The following ZFHX3 variants were observed in gnomAD, a reference collection of about 807,000 sequenced individuals.
ZFHX3 encodes the protein zinc finger homeobox protein 3.
In ZFHX3, 42 loss-of-function variants were observed where a neutral mutation model predicts 279.1. That is an observed-to-expected ratio of 0.15 (90% CI 0.12 to 0.19). ZFHX3 has a LOEUF of 0.19. Ranked by LOEUF, ZFHX3 falls within the 10% of genes least tolerant of loss-of-function variation. ZFHX3 has a pLI of 1.00. For missense variants in ZFHX3, 4,981 were observed against 4,754.0 expected, an observed-to-expected ratio of 1.05 and a Z score of -1.40; for synonymous variants, 2,293 against 1,957.8, an observed-to-expected ratio of 1.17 and a Z score of -4.52.
At chr16:73,166,857 CA>C (rs1170544651) in intron 5 of ZFHX3, among the ~76,000 whole-genome samples, 1 of 152,174 alleles carries the variant, frequency 6.6e-6, no homozygotes, top group Non-Finnish European at 1.5e-5. Flanking sequence ...ACCCTCCAGA[CA>C]GGGAAAATCT....
intron 3 of ZFHX3, among the ~76,000 whole-genome samples, chr16:73,384,123 T>A (rs1189523474): frequency 6.6e-6 from 1 of 152,240 alleles, no homozygotes; most frequent in Non-Finnish European, 1.5e-5. Context: ...TGCCATGATG[T>A]CAGATGCTCT....
chr16:73,596,227 T>C (rs1476114487), intron 2 of ZFHX3, among the ~76,000 whole-genome samples: 1 of 152,038 alleles, frequency 6.6e-6, no homozygotes, highest in African/African-American at 2.4e-5. Flanking sequence ...TTCAGTGTGT[T>C]AGCCACATGT....
chr16:73,617,286 G>C (rs1230420115), intron 2 of ZFHX3, among the ~76,000 whole-genome samples: 2 of 152,194 alleles, frequency 1.3e-5, no homozygotes, highest in Non-Finnish European at 2.9e-5. Flanking sequence ...ATCAAGCTCT[G>C]ACAATGAGGT....
At chr16:73,408,332 C>G (rs953245679) in intron 3 of ZFHX3, among the ~76,000 whole-genome samples, 1 of 152,050 alleles carries the variant, frequency 6.6e-6, no homozygotes, top group African/African-American at 2.4e-5. Context: ...GAAATCAACT[C>G]GGACAAGCCA....
At chr16:73,213,734 G>C (rs1043317045) in intron 5 of ZFHX3, among the ~76,000 whole-genome samples, 1 of 152,088 alleles carries the variant, frequency 6.6e-6, no homozygotes, top group African/African-American at 2.4e-5. Context: ...TTTAGTTGCT[G>C]TTTCTCCTAG....
chr16:73,425,296 T>C lies in ZFHX3; in HGVS notation c.-1291+30707A>G, dbSNP rs373936912. Among the ~76,000 whole-genome samples, 9 of 152,282 alleles carry C rather than the reference T, an allele frequency of 5.9e-5. No homozygotes were observed. In the East Asian group the frequency reaches 1.5e-3, roughly 26 times the overall value. ...GGATGCGTGCTGATGCTGGGGCCAC[T>C]TGCAGGTACCCAGACAGCTCGGCCC... On this transcript the variant is annotated intron_variant, in intron 3 of 17. Coordinates refer to the ZFHX3 transcript ENST00000641206.
intron 4 of ZFHX3, among the ~76,000 whole-genome samples, chr16:72,889,115 T>C (rs1288087554): frequency 2.7e-5 from 4 of 150,138 alleles, no homozygotes; most frequent in East Asian, 2.0e-4. Context: ...CATGGGGAGG[T>C]AGAAACGAGG....
At chr16:73,800,706 C>T (rs1285430206) in intron 1 of ZFHX3, among the ~76,000 whole-genome samples, 3 of 152,136 alleles carry the variant, frequency 2.0e-5, no homozygotes, top group Non-Finnish European at 4.4e-5. Context: ...TCTGACAGCA[C>T]TGTGGTCGTG....
chr16:73,241,613 A>G (rs1182673893), intron 5 of ZFHX3, among the ~76,000 whole-genome samples: 2 of 152,150 alleles, frequency 1.3e-5, no homozygotes, highest in East Asian at 3.9e-4. Context: ...CAACATGGAG[A>G]AACCCCGTCT....
chr16:73,003,680 T>C (rs900640761), intron 1 of ZFHX3, among the ~76,000 whole-genome samples: 1 of 152,134 alleles, frequency 6.6e-6, no homozygotes, highest in Non-Finnish European at 1.5e-5. Context: ...CACTCCAGCC[T>C]GGACGAAACA....
At chr16:73,372,535 CAA>C (rs1046838241) in intron 3 of ZFHX3, among the ~76,000 whole-genome samples, 1 of 152,110 alleles carries the variant, frequency 6.6e-6, no homozygotes, top group African/African-American at 2.4e-5. Context: ...AGAATTTAGT[CAA>C]AGTTAATTCA....
At chr16:73,801,947 G>A (rs1004354759) in intron 1 of ZFHX3, among the ~76,000 whole-genome samples, 4 of 152,182 alleles carry the variant, frequency 2.6e-5, no homozygotes, top group African/African-American at 9.7e-5. Context: ...AAGAAGGGCA[G>A]GGAGATGTGT....
At chr16:72,967,760 CAAA>C (rs1201182514) in intron 1 of ZFHX3, among the ~76,000 whole-genome samples, 6 of 81,650 alleles carry the variant, frequency 7.3e-5, no homozygotes, top group African/African-American at 2.4e-4. Context: ...ACTAAAAATA[CAAA>C]AAAAAAAAAA....
At chr16:73,574,837 T>C (rs570867351) in intron 2 of ZFHX3, among the ~76,000 whole-genome samples, 341 of 152,302 alleles carry the variant, frequency 2.2e-3, no homozygotes, top group Non-Finnish European at 4.4e-3. Context: ...TTCTTTGTCA[T>C]GCAGGACAGT....
chr16:73,474,708 G>A (rs2018735533), intron 2 of ZFHX3, among the ~76,000 whole-genome samples: 1 of 152,156 alleles, frequency 6.6e-6, no homozygotes, highest in Non-Finnish European at 1.5e-5. Flanking sequence ...GCCCTGCTCT[G>A]GAACTAGACT....
At chr16:73,237,950 C>T (rs1388310919) in intron 5 of ZFHX3, among the ~76,000 whole-genome samples, 1 of 152,132 alleles carries the variant, frequency 6.6e-6, no homozygotes, top group Non-Finnish European at 1.5e-5. Context: ...CGCTTTGCAT[C>T]TCTACCCAGG....
chr16:73,652,329 T>C (rs764820393), intron 2 of ZFHX3, among the ~76,000 whole-genome samples: 3 of 152,104 alleles, frequency 2.0e-5, no homozygotes, highest in Non-Finnish European at 4.4e-5. Context: ...AAAAATAAGA[T>C]GAGGCTTAAA....
In ZFHX3 at chr16:72,960,177, C is replaced by T. The variant is rs2144460596; in HGVS notation, c.-32G>A. On this transcript the variant is annotated 5_prime_UTR_variant, in exon 2 of 10. The change creates a premature stop within an existing upstream ORF in the 5' untranslated region. Transcript: ENST00000268489. ...GCCTGCGTGGAGCTTTCATTGCACC[C>T]AGTACGGAGGCTCGGACCTGAAGGG... The T allele has an allele frequency of 6.6e-7, 1 of 1,525,490 alleles. No homozygotes were observed. The highest frequency in any genetic ancestry group is 8.8e-7 in the Non-Finnish European group (1 of 1,134,432). The allele number at this position is 1,525,490 out of a possible 1,614,324, so 94.5% of individuals were successfully genotyped here. A position where few individuals can be genotyped will look rare whatever the true frequency, so the allele number is the denominator to read the frequency against.
intron 5 of ZFHX3, among the ~76,000 whole-genome samples, chr16:73,203,060 CCTTTT>C (rs970693081): frequency 6.6e-6 from 1 of 152,054 alleles, no homozygotes; most frequent in Admixed American, 6.5e-5. Context: ...CCTGATCTCT[CCTTTT>C]AATTTAGGAG....
Sources: allele counts gnomAD v4.1 joint callset (sites outside exome capture counted in the v4.1 genomes callset), GRCh38; gene constraint gnomAD v4.1.1; transcripts MANE v1.5; gene names NCBI Gene and HGNC (gene_info 2026-07-23, HGNC 2026-07-21).